The following PPME1 variants were observed in gnomAD, a reference collection of about 807,000 sequenced individuals.
The protein encoded by PPME1 is protein phosphatase methylesterase 1.
A neutral mutation model predicts 56.9 loss-of-function variants in PPME1; 17 were observed. That is an observed-to-expected ratio of 0.30 (90% CI 0.20 to 0.45). PPME1 has a LOEUF of 0.45. PPME1 is among the 20% of genes least tolerant of loss of function. PPME1 has a pLI of 1.00. For synonymous variants in PPME1, 122 were observed against 156.2 expected (o/e 0.78, Z 1.63); for missense variants, 357 against 483.2 (o/e 0.74, Z 2.45).
intron 3 of PPME1, among the ~76,000 whole-genome samples, chr11:74,219,113 G>T (rs1290477659): frequency 6.6e-6 from 1 of 152,062 alleles, no homozygotes; most frequent in African/African-American, 2.4e-5. Flanking sequence ...TATTCATATG[G>T]CAGACACGCA....
At chr11:74,222,460 T>C in intron 4 of PPME1, 91 bp downstream of exon 4, 1 of 1,102,788 alleles carries the variant, frequency 9.1e-7, no homozygotes, top group Non-Finnish European at 1.4e-6. Flanking sequence ...AACGTGGCCA[T>C]AAAATAACCT....
chr11:74,191,218 T>C (rs925463909), intron 1 of PPME1, among the ~76,000 whole-genome samples: 7 of 152,216 alleles, frequency 4.6e-5, no homozygotes, highest in African/African-American at 1.7e-4. Context: ...TATATGCCAG[T>C]AGTCCCAGCT....
intron 7 of PPME1, among the ~76,000 whole-genome samples, chr11:74,233,324 C>T (rs1340633384): frequency 6.6e-6 from 1 of 152,018 alleles, no homozygotes; most frequent in Non-Finnish European, 1.5e-5. Context: ...TCTTTCTGAA[C>T]CTGAAAATTA....
chr11:74,246,474 G>A (rs1859506360), intron 10 of PPME1, among the ~76,000 whole-genome samples: 1 of 152,144 alleles, frequency 6.6e-6, no homozygotes, highest in African/African-American at 2.4e-5. Flanking sequence ...ATCCTATCAT[G>A]TCAGAGCTCT....
At chr11:74,184,953 C>A (rs1348188873) in intron 1 of PPME1, among the ~76,000 whole-genome samples, 1 of 150,752 alleles carries the variant, frequency 6.6e-6, no homozygotes, top group East Asian at 1.9e-4. Flanking sequence ...GAAATGATTG[C>A]CCTAATGATA....
intron 13 of PPME1, among the ~76,000 whole-genome samples, chr11:74,252,240 T>G (rs111625491): frequency 0.013 from 1,833 of 135,994 alleles, 36 homozygotes; most frequent in African/African-American, 0.052. Context: ...GCTAATTTTG[T>G]TTTTTTTTTT....
In PPME1 at chr11:74,222,344, T is replaced by G; in HGVS notation, c.321T>G (p.Ile107Met). The G allele has an allele frequency of 6.2e-7, 1 of 1,612,186 alleles. No homozygotes were observed. The highest frequency in any genetic ancestry group is 8.5e-7 in the Non-Finnish European group (1 of 1,178,338). Residue 107 changes from isoleucine to methionine, a missense_variant, in exon 4 of 14, where the codon ATT (isoleucine) becomes ATG (methionine). Around this residue, in one of 2 missense-constraint regions of PPME1, gnomAD observed 175 missense variants for 189.4 expected, o/e 0.92. Transcript: ENST00000328257. ...TTATTAGTAGAGTTCAGTGTAGGAT[T>G]GTAGCTTTGGATCTGCGAAGTCATG... ...AAIISRVQCR[I>M]VALDLRSHGE...
intron 1 of PPME1, among the ~76,000 whole-genome samples, chr11:74,197,466 A>ACT (rs1858015609): frequency 6.6e-6 from 1 of 152,202 alleles, no homozygotes; most frequent in Admixed American, 6.5e-5. Flanking sequence ...GTTTTATGAT[A>ACT]AATAGAACTG....
chr11:74,200,342 A>C (rs141176204), intron 1 of PPME1, among the ~76,000 whole-genome samples: 2 of 149,470 alleles, frequency 1.3e-5, no homozygotes, highest in East Asian at 2.0e-4. Flanking sequence ...TCTAGTTTAT[A>C]AACAGTCATG....
intron 11 of PPME1, chr11:74,248,147 T>TG (rs933631615): frequency 1.3e-5 from 2 of 152,492 alleles, no homozygotes; most frequent in Non-Finnish European, 2.9e-5. Flanking sequence ...TGGGGGCTCT[T>TG]GCTTTAGTAC....
chr11:74,236,687 A>G (rs1859198507), intron 8 of PPME1, among the ~76,000 whole-genome samples: 2 of 152,216 alleles, frequency 1.3e-5, no homozygotes, highest in Admixed American at 6.5e-5. Context: ...TCCATTTTCA[A>G]TGGTTATTAA....
intron 9 of PPME1, among the ~76,000 whole-genome samples, chr11:74,245,875 A>G (rs1256075214): frequency 6.6e-6 from 1 of 152,226 alleles, no homozygotes; most frequent in East Asian, 1.9e-4. Flanking sequence ...TAAACTTGTA[A>G]TTATCTTAAA....
intron 3 of PPME1, among the ~76,000 whole-genome samples, chr11:74,208,946 G>A (rs1265828588): frequency 1.4e-4 from 21 of 152,150 alleles, no homozygotes; most frequent in Admixed American, 1.4e-3. Flanking sequence ...TAGAGTTGAG[G>A]TTGTAGTTGT....
intron 1 of PPME1, among the ~76,000 whole-genome samples, chr11:74,181,373 T>G (rs1857533066): frequency 6.6e-6 from 1 of 152,192 alleles, no homozygotes; most frequent in African/African-American, 2.4e-5. Flanking sequence ...TATCCATCTT[T>G]AAAACTCATG....
chr11:74,251,414 A>C, intron 12 of PPME1: 1 of 1,390,146 alleles, frequency 7.2e-7, no homozygotes, highest in East Asian at 2.6e-5. Flanking sequence ...GGGCACACAT[A>C]AGCCCTTCAC....
intron 13 of PPME1, chr11:74,252,405 G>A (rs1297843415): frequency 4.4e-6 from 2 of 454,228 alleles, no homozygotes; most frequent in Admixed American, 2.4e-5. Flanking sequence ...CCTAGAGCAG[G>A]GTTTTCTACA....
chr11:74,191,846 C>A (rs999527280), intron 1 of PPME1, among the ~76,000 whole-genome samples: 4 of 152,210 alleles, frequency 2.6e-5, no homozygotes, highest in African/African-American at 9.6e-5. Flanking sequence ...TATGAGAAAG[C>A]CAGGGTGCCC....
At chr11:74,246,705 C>T (rs1191442165) in intron 10 of PPME1, among the ~76,000 whole-genome samples, 1 of 152,150 alleles carries the variant, frequency 6.6e-6, no homozygotes, top group African/African-American at 2.4e-5. Flanking sequence ...TTCTCCTCCC[C>T]ACACCCAGTC....
intron 9 of PPME1, among the ~76,000 whole-genome samples, chr11:74,242,739 C>T (rs767386427): frequency 8.6e-5 from 13 of 151,728 alleles, no homozygotes; most frequent in South Asian, 2.1e-4. Flanking sequence ...ATTAGCTGGG[C>T]GTGGTGGCGT....
Sources: allele counts gnomAD v4.1 joint callset (sites outside exome capture counted in the v4.1 genomes callset), GRCh38; gene constraint gnomAD v4.1.1; regional missense constraint gnomAD v4.1.1; transcripts MANE v1.5; gene names NCBI Gene and HGNC (gene_info 2026-07-23, HGNC 2026-07-21).